The following AUTS2 variants were observed in gnomAD, a reference collection of about 807,000 sequenced individuals.
AUTS2 encodes the protein autism susceptibility gene 2 protein.
Under a neutral mutation model 112.4 loss-of-function variants are expected in AUTS2, and 17 were observed. The observed-to-expected ratio is 0.15, with a 90% CI of 0.10 to 0.23. AUTS2 has a LOEUF of 0.23. AUTS2 is among the 10% of genes least tolerant of loss of function. The pLI is 1.00. For missense variants in AUTS2, 1,510 were observed against 1,701.6 expected, an observed-to-expected ratio of 0.89 and a Z score of 1.98; for synonymous variants, 751 against 702.7, an observed-to-expected ratio of 1.07 and a Z score of -1.09.
At chr7:70,333,609 A>G (rs1790856976) in intron 4 of AUTS2, among the ~76,000 whole-genome samples, 1 of 152,180 alleles carries the variant, frequency 6.6e-6, no homozygotes, top group Admixed American at 6.5e-5. Context: ...TATATATACC[A>G]CAGAATACTA....
chr7:69,719,926 G>C (rs1798830219), intron 1 of AUTS2, among the ~76,000 whole-genome samples: 1 of 152,078 alleles, frequency 6.6e-6, no homozygotes, highest in Non-Finnish European at 1.5e-5. Context: ...AGGGACCCTG[G>C]CATTGTTGAA....
chr7:69,683,252 T>A (rs998327211), intron 1 of AUTS2, among the ~76,000 whole-genome samples: 1 of 152,208 alleles, frequency 6.6e-6, no homozygotes, highest in African/African-American at 2.4e-5. Context: ...TGCCATGATG[T>A]CCTGCCCACA....
At chr7:70,118,469 G>T in intron 3 of AUTS2, 1 of 436,388 alleles carries the variant, frequency 2.3e-6, no homozygotes, top group East Asian at 4.3e-5. Context: ...TAGGTAGGAG[G>T]AACTATTTGT....
intron 1 of AUTS2, among the ~76,000 whole-genome samples, chr7:69,855,772 G>A (rs1341970047): frequency 6.6e-6 from 1 of 152,078 alleles, no homozygotes; most frequent in African/African-American, 2.4e-5. Context: ...TGTGTGTTCC[G>A]TAAAGAACAA....
chr7:70,099,036 T>C (rs1035014813), intron 2 of AUTS2, among the ~76,000 whole-genome samples: 2 of 152,146 alleles, frequency 1.3e-5, no homozygotes, highest in Admixed American at 1.3e-4. Flanking sequence ...GAAGTGTTTC[T>C]GTTTATTTTG....
intron 4 of AUTS2, among the ~76,000 whole-genome samples, chr7:70,417,787 A>G (rs777101372): frequency 6.6e-6 from 1 of 152,118 alleles, no homozygotes; most frequent in East Asian, 1.9e-4. Context: ...GGGGCCTCTC[A>G]TCATGACCAT....
chr7:70,784,803 C>T (rs1398980066), intron 15 of AUTS2, 139 bp from the exon 16 acceptor site: 1 of 591,320 alleles, frequency 1.7e-6, no homozygotes, highest in Non-Finnish European at 3.0e-6. Context: ...TGTGTCTTGC[C>T]TGCAGGGGCC....
chr7:69,631,629 T>C (rs962126779), intron 1 of AUTS2, among the ~76,000 whole-genome samples: 7 of 152,210 alleles, frequency 4.6e-5, no homozygotes, highest in African/African-American at 1.7e-4. Flanking sequence ...CCCATGGATA[T>C]ACATAAAGAC....
chr7:70,774,857 T>C (rs1470675065), intron 12 of AUTS2: 1 of 154,698 alleles, frequency 6.5e-6, no homozygotes. Context: ...TCATGATGTA[T>C]AGTGAACTTC....
chr7:70,076,089 A>G (rs865777676), intron 2 of AUTS2, among the ~76,000 whole-genome samples: 1 of 152,250 alleles, frequency 6.6e-6, no homozygotes, highest in African/African-American at 2.4e-5. Context: ...CCAATTGGCC[A>G]TCGTTTACCA....
chr7:70,792,615 GT>G lies in AUTS2; in HGVS notation c.*1634del, dbSNP rs758688012. ...TTGTGAACTCCAGATGTTGTGCGGT[GT>G]TTTTTTTTTTTTTTAAGACAACAAC... On this transcript the variant is annotated 3_prime_UTR_variant, in exon 19 of 19. Transcript: ENST00000342771. 2,251 of 129,378 alleles carry G rather than the reference GT, an allele frequency of 0.017. 21 individuals carry two copies. Among genetic ancestry groups the G allele is most frequent in the African/African-American group, 0.038 (1,327 of 35,350 alleles). The allele number at this position is 129,378 out of a possible 1,614,324, so 8.0% of individuals were successfully genotyped here.
intron 5 of AUTS2, among the ~76,000 whole-genome samples, chr7:70,645,125 A>G (rs562338335): frequency 1.3e-5 from 2 of 152,280 alleles, no homozygotes; most frequent in East Asian, 3.9e-4. Flanking sequence ...CAGGCTCACA[A>G]GCGTTCTTCA....
chr7:70,774,756 A>G (rs1158762810), intron 12 of AUTS2: 1 of 152,576 alleles, frequency 6.6e-6, no homozygotes, highest in Non-Finnish European at 1.5e-5. Flanking sequence ...AAAATCTTTA[A>G]CAATATTGTC....
chr7:70,393,570 C>T (rs879392700), intron 4 of AUTS2, among the ~76,000 whole-genome samples: 2 of 152,156 alleles, frequency 1.3e-5, no homozygotes, highest in Admixed American at 6.5e-5. Flanking sequence ...CTGTGTCTCA[C>T]AAGCACCTGT....
At chr7:70,357,319 G>A (rs1792056410) in intron 4 of AUTS2, among the ~76,000 whole-genome samples, 1 of 152,104 alleles carries the variant, frequency 6.6e-6, no homozygotes, top group South Asian at 2.1e-4. Flanking sequence ...CTCAGATATG[G>A]CCCAGTTTCA....
chr7:70,598,324 G>A (rs373849224), intron 5 of AUTS2, among the ~76,000 whole-genome samples: 6 of 152,104 alleles, frequency 3.9e-5, no homozygotes, highest in African/African-American at 1.2e-4. Context: ...TGTATTGAGC[G>A]CCCACTCCTT....
intron 1 of AUTS2, among the ~76,000 whole-genome samples, chr7:69,898,966 A>G (rs1025634422): frequency 2.0e-5 from 3 of 152,218 alleles, no homozygotes; most frequent in Admixed American, 2.0e-4. Flanking sequence ...GGGGAAGGTC[A>G]TTGTGTGCTG....
At chr7:70,668,347 T>A (rs1173794286) in intron 5 of AUTS2, among the ~76,000 whole-genome samples, 2 of 152,160 alleles carry the variant, frequency 1.3e-5, no homozygotes, top group Admixed American at 6.5e-5. Flanking sequence ...CATCTTTGAG[T>A]GGCAACGTTG....
intron 2 of AUTS2, among the ~76,000 whole-genome samples, chr7:69,915,814 C>T (rs1329209103): frequency 2.6e-5 from 4 of 152,096 alleles, no homozygotes; most frequent in South Asian, 4.1e-4. Context: ...GTACCCTCTG[C>T]CCCCCGGGCT....
Sources: gnomAD v4.1 joint callset for allele counts (sites outside exome capture counted in the v4.1 genomes callset) on GRCh38, gnomAD v4.1.1 for gene constraint, MANE v1.5 for transcripts, NCBI Gene and HGNC (gene_info 2026-07-23, HGNC 2026-07-21) for gene names.